The following SGCZ variants were observed in gnomAD, a reference collection of about 807,000 sequenced individuals.
The protein encoded by SGCZ is zeta-sarcoglycan.
A neutral mutation model predicts 41.3 loss-of-function variants in SGCZ; 40 were observed. The ratio of observed to expected loss-of-function variants is 0.97; its 90% CI spans 0.75 to 1.26. The LOEUF is 1.26. SGCZ is among the 50% of genes most tolerant of loss of function. The pLI is 0.00. For missense variants in SGCZ, 552 were observed against 369.8 expected, an observed-to-expected ratio of 1.49 and a Z score of -4.04; for synonymous variants, 206 against 137.5, an observed-to-expected ratio of 1.50 and a Z score of -3.49.
Position 14,119,510 on chromosome 8 carries a change from G to C in SGCZ, c.548-11275C>G, listed in dbSNP as rs375106785. On this transcript the variant is annotated intron_variant, in intron 5 of 7. Transcript: ENST00000382080. The stretch of plus-strand genomic sequence containing the variant: ...TATACAATCATGACATCTGCAAACA[G>C]AGACAATTTCACTTTCTTTCTATTT... Among the ~76,000 whole-genome samples the C allele has an allele frequency of 2.6e-3, 403 of 152,258 alleles. 5 individuals are homozygous for C. The highest frequency in any genetic ancestry group is 9.5e-3 in the African/African-American group (395 of 41,548).
At chr8:14,619,916 C>A (rs1358474865) in intron 1 of SGCZ, among the ~76,000 whole-genome samples, 2 of 152,168 alleles carry the variant, frequency 1.3e-5, no homozygotes, top group Non-Finnish European at 2.9e-5. Context: ...CAATGCCTTT[C>A]TTCACAGAAT....
chr8:14,476,187 C>T lies in SGCZ; in HGVS notation c.234+78545G>A, dbSNP rs886805311. ...TCTGGGAGTTTTTGTGAGAGTGTTT[C>T]TGTATTAGCATTTGAATCTGTAGTC... On this transcript the variant is annotated intron_variant, in intron 2 of 7. Coordinates refer to ENST00000382080, the MANE Select transcript of SGCZ (RefSeq NM_139167.4). Among the ~76,000 whole-genome samples the T allele has an allele frequency of 1.1e-4, 16 of 152,200 alleles. No homozygotes were observed. In the South Asian group the frequency reaches 3.3e-3, roughly 32 times the overall value.
chr8:14,428,278 C>T (rs547842316), intron 2 of SGCZ, among the ~76,000 whole-genome samples: 6 of 151,346 alleles, frequency 4.0e-5, no homozygotes, highest in South Asian at 4.2e-4. Flanking sequence ...ATATAATAAA[C>T]GTTCATATAC....
intron 2 of SGCZ, among the ~76,000 whole-genome samples, chr8:14,416,806 G>A (rs189943727): frequency 2.8e-4 from 42 of 151,934 alleles, no homozygotes; most frequent in Admixed American, 4.6e-4. Context: ...CTGTAAATTG[G>A]AGAGAGCAAT....
At chr8:14,603,210 G>A (rs546839077) in intron 1 of SGCZ, among the ~76,000 whole-genome samples, 63 of 152,054 alleles carry the variant, frequency 4.1e-4, no homozygotes, top group Non-Finnish European at 6.2e-4. Flanking sequence ...CGGCTTTTTT[G>A]ATCTAGAAAA....
At chr8:14,814,003 C>A (rs1346484782) in intron 1 of SGCZ, among the ~76,000 whole-genome samples, 1 of 152,014 alleles carries the variant, frequency 6.6e-6, no homozygotes, top group African/African-American at 2.4e-5. Flanking sequence ...ACAAGTGCTA[C>A]AAAAGATAAC....
At chr8:15,179,686 G>C (rs1171813723) in intron 1 of SGCZ, among the ~76,000 whole-genome samples, 1 of 152,078 alleles carries the variant, frequency 6.6e-6, no homozygotes, top group Non-Finnish European at 1.5e-5. Context: ...GTATAACCCT[G>C]CAACAACAAC....
chr8:14,514,789 G>C (rs1448148220), intron 2 of SGCZ, among the ~76,000 whole-genome samples: 1 of 35,836 alleles, frequency 2.8e-5, no homozygotes, highest in Non-Finnish European at 4.6e-5. Context: ...GTAAATGTGT[G>C]TGTGTGTGTG....
At chr8:14,237,497 AACAACAACAACG>A (rs769612510) in intron 4 of SGCZ, 83 bp downstream of exon 4, 16 of 1,158,652 alleles carry the variant, frequency 1.4e-5, no homozygotes, top group Admixed American at 1.9e-5. Context: ...CAACAACAAC[AACAACAACAACG>A]ACAACAACAA....
intron 1 of SGCZ, among the ~76,000 whole-genome samples, chr8:14,778,246 C>T (rs536442699): frequency 7.2e-5 from 11 of 152,248 alleles, no homozygotes; most frequent in African/African-American, 2.6e-4. Context: ...TTAGTTAACA[C>T]AGGCTTTTGG....
intron 1 of SGCZ, among the ~76,000 whole-genome samples, chr8:14,669,730 A>G (rs1808042551): frequency 1.4e-5 from 2 of 141,958 alleles, no homozygotes; most frequent in South Asian, 4.4e-4. Flanking sequence ...ACACACACAC[A>G]CAATATTTTG....
intron 1 of SGCZ, among the ~76,000 whole-genome samples, chr8:14,635,292 G>C (rs115897019): frequency 6.6e-6 from 1 of 151,680 alleles, no homozygotes; most frequent in Non-Finnish European, 1.5e-5. Flanking sequence ...TATGAAAAGG[G>C]TCACCTTTTT....
chr8:14,855,579 C>G (rs1803519878), intron 1 of SGCZ, among the ~76,000 whole-genome samples: 1 of 152,132 alleles, frequency 6.6e-6, no homozygotes, highest in Non-Finnish European at 1.5e-5. Context: ...CTTCTAGCCA[C>G]CAAGTAGATT....
chr8:15,099,562 C>T (rs1327514124), intron 1 of SGCZ, among the ~76,000 whole-genome samples: 1 of 152,242 alleles, frequency 6.6e-6, no homozygotes, highest in East Asian at 1.9e-4. Flanking sequence ...TCACTACCGG[C>T]TCTGCAAAAA....
chr8:14,314,458 T>G (rs531721667), intron 3 of SGCZ, among the ~76,000 whole-genome samples: 2 of 152,308 alleles, frequency 1.3e-5, no homozygotes, highest in South Asian at 2.1e-4. Flanking sequence ...GAATCAGCAT[T>G]GAAAATCTCG....
chr8:14,347,204 A>G (rs1802918639), intron 2 of SGCZ, among the ~76,000 whole-genome samples: 1 of 152,050 alleles, frequency 6.6e-6, no homozygotes, highest in African/African-American at 2.4e-5. Context: ...CATTTGATAG[A>G]GCCTGGCATC....
chr8:14,439,667 A>G (rs1372620238), intron 2 of SGCZ, among the ~76,000 whole-genome samples: 1 of 152,028 alleles, frequency 6.6e-6, no homozygotes, highest in Non-Finnish European at 1.5e-5. Context: ...TAAACCAAAG[A>G]AGAAAAATTA....
At position 14,716,939 on chromosome 8, in the gene SGCZ, C is replaced by T. The variant is rs1007804849; in HGVS notation, c.40-162013G>A. Among the ~76,000 whole-genome samples the T allele has an allele frequency of 3.3e-5, 5 of 151,870 alleles. No homozygotes were observed. In the South Asian group the frequency reaches 6.2e-4, roughly 19 times the overall value. ...CATCTAATACAATGCAATTATATTT[C>T]ATCTTATTAATAATACATGAGATGA... On this transcript the variant is annotated intron_variant, in intron 1 of 7. Transcript: ENST00000382080.
intron 2 of SGCZ, among the ~76,000 whole-genome samples, chr8:14,389,315 C>T (rs1424071773): frequency 6.6e-6 from 1 of 151,426 alleles, no homozygotes; most frequent in Non-Finnish European, 1.5e-5. Flanking sequence ...TTATCAATAA[C>T]ATGTAAGAAT....
Sources: gnomAD v4.1 joint callset for allele counts (sites outside exome capture counted in the v4.1 genomes callset) on GRCh38, gnomAD v4.1.1 for gene constraint, MANE v1.5 for transcripts, NCBI Gene and HGNC (gene_info 2026-07-23, HGNC 2026-07-21) for gene names.